ZSCAN25: variants seen among roughly 807,000 people sequenced by gnomAD.
ZSCAN25 encodes the protein zinc finger and SCAN domain-containing protein 25.
A neutral mutation model predicts 38.7 loss-of-function variants in ZSCAN25; 27 were observed. That is an observed-to-expected ratio of 0.70 (90% CI 0.51 to 0.96). The LOEUF is 0.96. Among genes scored for constraint, ZSCAN25 ranks in the 40% least tolerant of loss-of-function variants. The probability of loss-of-function intolerance (pLI) is 0.00; values close to 1 mark genes in which losing one functional copy is unlikely to be tolerated. For synonymous variants in ZSCAN25, 273 were observed against 277.7 expected, an observed-to-expected ratio of 0.98 and a Z score of 0.17; for missense variants, 637 against 705.9, an observed-to-expected ratio of 0.90 and a Z score of 1.11.
Position 99,632,054 on chromosome 7 carries a change from C to T in ZSCAN25, c.*2034C>T. On this transcript the variant is annotated 3_prime_UTR_variant, in exon 8 of 8. Coordinates refer to ENST00000394152, the MANE Select transcript of ZSCAN25 (RefSeq NM_145115.3). ...GGGGGCTGCTTGTCATTACCTGAAT[C>T]ACAGATGCTCTTTTGTCATACACAG... 1.0e-6 allele frequency: 1 copy of T among 985,450 alleles called. No individual in the cohort carries two copies. Among genetic ancestry groups the T allele is most frequent in the Non-Finnish European group, 1.2e-6 (1 of 829,968 alleles). The allele number at this position is 985,450 out of a possible 1,614,324, so 61.0% of individuals were successfully genotyped here.
At chr7:99,635,822 C>A (rs1309713091), downstream of ZSCAN25, among the ~76,000 whole-genome samples, 1 of 151,850 alleles carries the variant, frequency 6.6e-6, no homozygotes, top group African/African-American at 2.4e-5. Context: ...CTGAGGCGGG[C>A]GGATCACGAG....
chr7:99,723,432 C>T, the ZSCAN25 span, among the ~76,000 whole-genome samples: 2 of 152,332 alleles, frequency 1.3e-5, no homozygotes, highest in South Asian at 4.1e-4. Context: ...CCACTGCTTA[C>T]CCCAGTCCTA....
chr7:99,645,541 A>G, the ZSCAN25 span, among the ~76,000 whole-genome samples: 2 of 152,068 alleles, frequency 1.3e-5, no homozygotes, highest in South Asian at 2.1e-4. Context: ...ACTATTTTCC[A>G]TAATGGTTGA....
the ZSCAN25 span, among the ~76,000 whole-genome samples, chr7:99,642,562 G>A: frequency 6.6e-6 from 1 of 152,116 alleles, no homozygotes; most frequent in Non-Finnish European, 1.5e-5. Context: ...AAATATGAAC[G>A]AAAATAAATG....
the ZSCAN25 span, among the ~76,000 whole-genome samples, chr7:99,698,980 G>T: frequency 7.2e-5 from 11 of 152,170 alleles, no homozygotes; most frequent in Non-Finnish European, 1.0e-4. Flanking sequence ...TCAAATTGAG[G>T]TAGAAGTTAA....
chr7:99,737,928 C>G, the ZSCAN25 span, among the ~76,000 whole-genome samples: 6 of 152,200 alleles, frequency 3.9e-5, no homozygotes, highest in Non-Finnish European at 8.8e-5. Flanking sequence ...CTACTGAGAG[C>G]TGCACTGACT....
the ZSCAN25 span, among the ~76,000 whole-genome samples, chr7:99,706,513 G>T: frequency 6.6e-6 from 1 of 152,340 alleles, no homozygotes; most frequent in Admixed American, 6.5e-5. Context: ...CCTGCTTAAG[G>T]TGTGGAGTTG....
chr7:99,730,811 A>G, the ZSCAN25 span: 5 of 477,586 alleles, frequency 1.0e-5, no homozygotes, highest in Non-Finnish European at 1.9e-5. Context: ...CTGCACATCA[A>G]GTTGTGAACA....
intron 5 of ZSCAN25, 182 bp downstream of exon 5, chr7:99,621,756 C>A: frequency 4.6e-6 from 2 of 438,852 alleles, no homozygotes; most frequent in Non-Finnish European, 7.8e-6. Flanking sequence ...CTCCCTTTAC[C>A]CTCTGGTGTC....
chr7:99,710,816 G>C, the ZSCAN25 span: 1 of 1,613,896 alleles, frequency 6.2e-7, no homozygotes, highest in South Asian at 1.1e-5. Flanking sequence ...TAATGAAGGA[G>C]AGAACACTGC....
rs1806774397 is a variant in ZSCAN25, at chr7:99,619,695, G to A, written c.89G>A (p.Gly30Asp). ...VVKLEKELPWGRGREDPSPET... is the reference protein window; with the variant it reads ...VVKLEKELPWDRGREDPSPET... ...AAACTGGAGAAAGAGTTGCCATGGG[G>A]CAGAGGAAGGGAGGACCCTAGTCCA... The change falls in exon 4 of 8, where the codon GGC (glycine) becomes GAC (aspartate). Residue 30 changes from glycine to aspartate, a missense_variant. By Grantham distance (94) the Gly-to-Asp change is moderately conservative (BLOSUM62 -1). Transcript: ENST00000394152. The A allele has an allele frequency of 6.2e-7, 1 of 1,614,256 alleles. No homozygotes were observed. The highest frequency in any genetic ancestry group is 8.5e-7 in the Non-Finnish European group (1 of 1,180,044).
chr7:99,634,788 C>T (rs1234652003), downstream of ZSCAN25, among the ~76,000 whole-genome samples: 5 of 152,084 alleles, frequency 3.3e-5, 1 homozygote, highest in South Asian at 6.2e-4. Context: ...CAGAGTGAGA[C>T]TCCGTCTCAA....
At chr7:99,624,262 C>T (rs1325734045) in intron 7 of ZSCAN25, 82 bp downstream of exon 7, 20 of 1,588,286 alleles carry the variant, frequency 1.3e-5, no homozygotes, top group African/African-American at 2.7e-5. Context: ...CTCTGGCGCT[C>T]CTGGCAAAGG....
the ZSCAN25 span, chr7:99,715,735 A>C: frequency 1.2e-6 from 2 of 1,613,602 alleles, no homozygotes; most frequent in Non-Finnish European, 1.7e-6. Context: ...GAGGGAGAGA[A>C]AAGGAAATAG....
the ZSCAN25 span, among the ~76,000 whole-genome samples, chr7:99,711,299 A>G: frequency 6.6e-6 from 1 of 152,210 alleles, no homozygotes; most frequent in African/African-American, 2.4e-5. Flanking sequence ...TTTTAGCTAC[A>G]ATATACCTTG....
At chr7:99,621,067 C>G (rs988707483) in intron 4 of ZSCAN25, 1 of 219,284 alleles carries the variant, frequency 4.6e-6, no homozygotes, top group Non-Finnish European at 8.8e-6. Flanking sequence ...ATTTTTTTTT[C>G]TAGTAGTGAG....
chr7:99,672,824 A>C, the ZSCAN25 span: 7 of 1,480,922 alleles, frequency 4.7e-6, no homozygotes, highest in Admixed American at 2.4e-5. Flanking sequence ...GTTCTAGTTC[A>C]TTAGGGTGTG....
At chr7:99,633,426 A>G (rs1469574782), downstream of ZSCAN25, among the ~76,000 whole-genome samples, 1 of 152,232 alleles carries the variant, frequency 6.6e-6, no homozygotes, top group African/African-American at 2.4e-5. Flanking sequence ...GGTTACCCTT[A>G]GATATAGTTC....
the ZSCAN25 span, among the ~76,000 whole-genome samples, chr7:99,702,675 T>G: frequency 7.9e-5 from 12 of 152,234 alleles, no homozygotes. Context: ...TGAAGTCAGG[T>G]AATAAGATTT....
Sources: allele counts gnomAD v4.1 joint callset (sites outside exome capture counted in the v4.1 genomes callset), GRCh38; gene constraint gnomAD v4.1.1; transcripts MANE v1.5; gene names NCBI Gene and HGNC (gene_info 2026-07-23, HGNC 2026-07-21).